The following DMGDH variants were observed in gnomAD, a reference collection of about 807,000 sequenced individuals.
The protein encoded by DMGDH is dimethylglycine dehydrogenase.
Under a neutral mutation model 95.2 loss-of-function variants are expected in DMGDH, and 76 were observed. That is an observed-to-expected ratio of 0.80 (90% CI 0.66 to 0.97). The LOEUF (loss-of-function observed/expected upper bound fraction) is 0.97. DMGDH is among the 50% of genes least tolerant of loss of function. The pLI, the probability that DMGDH is intolerant of heterozygous loss-of-function variation, is 0.00. For missense variants in DMGDH, 987 were observed against 1,055.0 expected (o/e 0.94, Z 0.89); for synonymous variants, 345 against 377.6 (o/e 0.91, Z 1.00).
chr5:79,012,816 C>A (rs986660847), intron 14 of DMGDH, among the ~76,000 whole-genome samples: 4 of 152,232 alleles, frequency 2.6e-5, no homozygotes, highest in Non-Finnish European at 5.9e-5. Flanking sequence ...ATGCAGGGAG[C>A]AGTGTCCCAA....
At chr5:79,054,056 T>C in intron 4 of DMGDH, 128 bp downstream of exon 4, 1 of 1,049,414 alleles carries the variant, frequency 9.5e-7, no homozygotes, top group Non-Finnish European at 1.4e-6. Context: ...AATTCCAAAA[T>C]TAATCATATG....
At chr5:79,054,025 G>A (rs965747549) in intron 4 of DMGDH, among the ~76,000 whole-genome samples, 159 bp downstream of exon 4, 1 of 152,106 alleles carries the variant, frequency 6.6e-6, no homozygotes, top group Non-Finnish European at 1.5e-5. Context: ...GTATATAACA[G>A]CCTATCTTGT....
At chr5:79,067,673 T>C (rs887465863) in intron 1 of DMGDH, among the ~76,000 whole-genome samples, 3 of 152,168 alleles carry the variant, frequency 2.0e-5, no homozygotes, top group Non-Finnish European at 2.9e-5. Context: ...TCAGACTAGG[T>C]ATAGTGTTTT....
At chr5:79,020,066 T>C (rs1561210803) in intron 14 of DMGDH, among the ~76,000 whole-genome samples, 2 of 152,148 alleles carry the variant, frequency 1.3e-5, no homozygotes, top group South Asian at 2.1e-4. Flanking sequence ...TTGAGTAGTT[T>C]TTAGTTCTTT....
chr5:79,064,533 C>T (rs945478123), intron 1 of DMGDH, among the ~76,000 whole-genome samples: 13 of 152,032 alleles, frequency 8.6e-5, no homozygotes, highest in Non-Finnish European at 1.6e-4. Flanking sequence ...ATTTAGGCTA[C>T]TCTAAGTTTA....
At position 79,052,501 on chromosome 5, in the gene DMGDH, G is replaced by A. The variant is rs79886598; in HGVS notation, c.541-1010C>T. 9.4e-3 allele frequency among the ~76,000 whole-genome samples: 1,429 copies of A among 152,264 alleles called. 9 individuals are homozygous for A. The highest frequency in any genetic ancestry group is 0.044 in the Middle Eastern group (13 of 294). Reference sequence around the variant, plus strand: ...CATTTATTATAGGTCTTGTGCAAGGGACTTTCTATTTTAAGGGAATTCACA... The same window carrying A: ...CATTTATTATAGGTCTTGTGCAAGGAACTTTCTATTTTAAGGGAATTCACA... On this transcript the variant is annotated intron_variant, in intron 4 of 15. Transcript: ENST00000255189.
chr5:79,059,511 G>T (rs1410432422), intron 2 of DMGDH, among the ~76,000 whole-genome samples: 1 of 152,164 alleles, frequency 6.6e-6, no homozygotes, highest in Non-Finnish European at 1.5e-5. Context: ...GGAAGGTATT[G>T]CATTTTTTGT....
chr5:79,022,617 G>T (rs73771388), intron 14 of DMGDH, among the ~76,000 whole-genome samples: 4 of 152,260 alleles, frequency 2.6e-5, no homozygotes, highest in African/African-American at 9.6e-5. Flanking sequence ...ATAAAAACAT[G>T]CCAGAAATCA....
chr5:79,000,239 G>A (rs981843015), intron 15 of DMGDH: 5 of 632,474 alleles, frequency 7.9e-6, no homozygotes, highest in East Asian at 4.0e-5. Flanking sequence ...CCATACCAGC[G>A]TGATACCACC....
chr5:79,064,116 G>A (rs578126557), intron 1 of DMGDH, among the ~76,000 whole-genome samples: 1 of 152,200 alleles, frequency 6.6e-6, no homozygotes, highest in South Asian at 2.1e-4. Context: ...ACTTTGGAAG[G>A]CCGAGATGGG....
intron 14 of DMGDH, 106 bp from the exon 15 acceptor site, chr5:79,005,513 C>A (rs1326626612): frequency 2.1e-6 from 3 of 1,460,248 alleles, no homozygotes; most frequent in Non-Finnish European, 1.9e-6. Context: ...ACCAATTACA[C>A]ATTAAATAAA....
rs1754528292 is a variant in DMGDH at position 79,042,194 on chromosome 5, T to C, written c.1193+89A>G. 48 of 1,261,356 alleles carry C rather than the reference T, an allele frequency of 3.8e-5. No individual in the cohort carries two copies. In the South Asian group the frequency reaches 5.8e-4, roughly 15 times the overall value. 78.1% of individuals were successfully genotyped at this position (1,261,356 alleles called of 1,614,324 possible). On this transcript the variant is annotated intron_variant, in intron 7 of 15. Transcript: ENST00000255189. ...TTTCTCTCTCTCTCAGCCTCCCACA[T>C]TTCCCTTTTGCATCCTGAGAATATG... is the stretch of plus-strand genomic sequence containing the variant.
intron 14 of DMGDH, among the ~76,000 whole-genome samples, chr5:79,005,879 T>C (rs1189138628): frequency 6.6e-6 from 1 of 152,154 alleles, no homozygotes; most frequent in African/African-American, 2.4e-5. Context: ...TTCAGAATAA[T>C]GTCTCTGGAA....
In DMGDH at chr5:79,042,374, C is replaced by CA; in HGVS notation, c.1101dup (p.Val368CysfsTer10). On this transcript the variant is annotated frameshift_variant, in exon 7 of 16. Transcript: ENST00000255189. LOFTEE classifies it high-confidence loss of function. ...GGAGAATACGTGATAGGACCATTGA[C>CA]AACATTGATGATGTCAGCCTTTTTC... 1.9e-6 allele frequency: 3 copies of CA among 1,614,218 alleles called. No homozygotes were observed. The highest frequency in any genetic ancestry group is 2.5e-6 in the Non-Finnish European group (3 of 1,180,030).
At chr5:79,042,919 G>T (rs1305798690) in intron 6 of DMGDH, among the ~76,000 whole-genome samples, 1 of 152,120 alleles carries the variant, frequency 6.6e-6, no homozygotes, top group Non-Finnish European at 1.5e-5. Context: ...ACTCCTCCAA[G>T]ATCTAAGATG....
chr5:79,024,199 G>C (rs1753935377), intron 14 of DMGDH, 72 bp downstream of exon 14: 2 of 1,389,958 alleles, frequency 1.4e-6, no homozygotes, highest in South Asian at 1.2e-5. Flanking sequence ...AAATTTTAAA[G>C]AATGGCTCTG....
intron 15 of DMGDH, chr5:79,000,851 C>T (rs1321086852): frequency 6.3e-6 from 4 of 638,560 alleles, no homozygotes; most frequent in Admixed American, 5.1e-5. Flanking sequence ...ATATATATTT[C>T]CTCAGGCTAT....
chr5:79,051,190 G>C, intron 5 of DMGDH, 97 bp downstream of exon 5: 1 of 1,311,978 alleles, frequency 7.6e-7, no homozygotes, highest in Non-Finnish European at 1.1e-6. Flanking sequence ...GCATCACAGT[G>C]CTTCATGACA....
At chr5:79,025,217 G>C (rs1753966397) in intron 13 of DMGDH, among the ~76,000 whole-genome samples, 1 of 152,222 alleles carries the variant, frequency 6.6e-6, no homozygotes, top group African/African-American at 2.4e-5. Context: ...AAGCTCTCCA[G>C]AGGAGGTCGC....
Sources: allele counts gnomAD v4.1 joint callset (sites outside exome capture counted in the v4.1 genomes callset), GRCh38; gene constraint gnomAD v4.1.1; transcripts MANE v1.5; gene names NCBI Gene and HGNC (gene_info 2026-07-23, HGNC 2026-07-21).